Variants in MECOM observed in about 807,000 individuals in gnomAD.
The protein encoded by MECOM is MDS1 and EVI1 complex locus, also known as histone-lysine N-methyltransferase MECOM.
In MECOM, 13 loss-of-function variants were observed where a neutral mutation model predicts 116.3. The ratio of observed to expected loss-of-function variants is 0.11; its 90% CI spans 0.07 to 0.18. The LOEUF is 0.18. Ranked by LOEUF, MECOM falls within the 10% of genes least tolerant of loss-of-function variation. The pLI is 1.00. For missense variants in MECOM, 1,299 were observed against 1,509.0 expected (o/e 0.86, Z 2.31); for synonymous variants, 528 against 535.2 (o/e 0.99, Z 0.19).
intron 2 of MECOM, among the ~76,000 whole-genome samples, chr3:169,344,453 A>G (rs1294073751): frequency 6.6e-6 from 1 of 152,136 alleles, no homozygotes; most frequent in African/African-American, 2.4e-5. Context: ...AGAGATGTAA[A>G]TGGGGTAACC....
At chr3:169,401,543 C>T (rs936152576) in intron 1 of MECOM, among the ~76,000 whole-genome samples, 1 of 152,096 alleles carries the variant, frequency 6.6e-6, no homozygotes, top group African/African-American at 2.4e-5. Context: ...AAACATAGTA[C>T]CCACGATCAA....
chr3:169,206,488 A>T (rs955429322), intron 2 of MECOM, among the ~76,000 whole-genome samples: 1 of 152,074 alleles, frequency 6.6e-6, no homozygotes, highest in South Asian at 2.1e-4. Context: ...ATGGTGGCTC[A>T]TGCCTGTAAT....
At chr3:169,130,239 G>A (rs1345783351) in intron 4 of MECOM, among the ~76,000 whole-genome samples, 2 of 151,946 alleles carry the variant, frequency 1.3e-5, no homozygotes, top group Admixed American at 6.6e-5. Context: ...AACCTTTTTA[G>A]GTCTAACATT....
intron 2 of MECOM, among the ~76,000 whole-genome samples, chr3:169,214,486 G>A (rs546589392): frequency 2.0e-5 from 3 of 149,936 alleles, no homozygotes; most frequent in African/African-American, 4.9e-5. Flanking sequence ...AAACAAATTC[G>A]TAAATCATTT....
intron 1 of MECOM, among the ~76,000 whole-genome samples, chr3:169,562,432 A>G (rs957360791): frequency 6.6e-6 from 1 of 152,108 alleles, no homozygotes; most frequent in African/African-American, 2.4e-5. Context: ...TTCTGCCTTC[A>G]TATTTGGCTG....
In MECOM at chr3:169,507,395, C is replaced by T. The variant is rs1280152253; in HGVS notation, c.38-125871G>A. Among the ~76,000 whole-genome samples, 12 of 152,236 alleles carry T rather than the reference C, an allele frequency of 7.9e-5. No individual in the cohort carries two copies. In the South Asian group the frequency reaches 2.5e-3, roughly 32 times the overall value. ...GACGTCAGGCTGATGGAGGCTGGTA[C>T]CTCCTTCATGCCTTCATTCCTCCAT... is the stretch of plus-strand genomic sequence containing the variant. On this transcript the variant is annotated intron_variant, in intron 1 of 16. Transcript: ENST00000651503.
rs1560066438 is a variant in MECOM at position 169,266,845 on chromosome 3, T to C, written c.375+114342A>G. 4.6e-5 allele frequency among the ~76,000 whole-genome samples: 7 copies of C among 150,608 alleles called. No individual in the cohort carries two copies. In the South Asian group the frequency reaches 1.5e-3, roughly 32 times the overall value. ...TTTTTTTTTAAACCTTACTAATAGA[T>C]CCAATTTTATTCAGGTCATTATAGG... On this transcript the variant is annotated intron_variant, in intron 2 of 16. Transcript: ENST00000651503.
chr3:169,156,809 G>T (rs946488892), intron 2 of MECOM, among the ~76,000 whole-genome samples: 22 of 152,106 alleles, frequency 1.4e-4, no homozygotes, highest in African/African-American at 5.3e-4. Context: ...ATCTAGATAT[G>T]CATTTCCCTA....
At chr3:169,199,224 A>G (rs1453045785) in intron 2 of MECOM, among the ~76,000 whole-genome samples, 1 of 152,096 alleles carries the variant, frequency 6.6e-6, no homozygotes, top group Non-Finnish European at 1.5e-5. Flanking sequence ...CTGTTTATTT[A>G]GAACCTGCTT....
At chr3:169,154,519 G>T (rs2149333043) in intron 2 of MECOM, among the ~76,000 whole-genome samples, 1 of 152,186 alleles carries the variant, frequency 6.6e-6, no homozygotes, top group Admixed American at 6.5e-5. Flanking sequence ...TTATTGCAAT[G>T]ATCTCCTGCC....
At chr3:169,491,351 G>A (rs1003066469) in intron 1 of MECOM, among the ~76,000 whole-genome samples, 1 of 152,192 alleles carries the variant, frequency 6.6e-6, no homozygotes, top group African/African-American at 2.4e-5. Context: ...TCATGAGTAT[G>A]GACTACAGAT....
intron 2 of MECOM, among the ~76,000 whole-genome samples, chr3:169,210,576 A>C (rs1750583871): frequency 1.3e-5 from 2 of 152,168 alleles, no homozygotes; most frequent in Non-Finnish European, 2.9e-5. Context: ...AGGGCAAAAG[A>C]AGCTAATCAG....
chr3:169,593,091 A>G (rs893896387), intron 1 of MECOM, among the ~76,000 whole-genome samples: 1 of 152,176 alleles, frequency 6.6e-6, no homozygotes. Flanking sequence ...GGGTCTCGCT[A>G]TGTTGCCCAG....
intron 2 of MECOM, among the ~76,000 whole-genome samples, chr3:169,241,429 T>G (rs1168169905): frequency 6.6e-6 from 1 of 152,154 alleles, no homozygotes; most frequent in Non-Finnish European, 1.5e-5. Flanking sequence ...CAGTGTTAAA[T>G]TTCACCTTAA....
intron 2 of MECOM, among the ~76,000 whole-genome samples, chr3:169,305,243 A>C (rs1560109447): frequency 6.6e-6 from 1 of 152,232 alleles, no homozygotes; most frequent in Non-Finnish European, 1.5e-5. Flanking sequence ...CAGTGAAGTT[A>C]ATTAATTCCA....
intron 2 of MECOM, among the ~76,000 whole-genome samples, chr3:169,224,343 C>G (rs971284028): frequency 1.3e-5 from 2 of 152,140 alleles, no homozygotes; most frequent in Non-Finnish European, 2.9e-5. Flanking sequence ...AAATTCAAAG[C>G]AATGGCAAGA....
chr3:169,177,774 T>C (rs1424713557), intron 2 of MECOM, among the ~76,000 whole-genome samples: 1 of 151,538 alleles, frequency 6.6e-6, no homozygotes, highest in East Asian at 1.9e-4. Flanking sequence ...AAAAAATAGC[T>C]GGGCATGTTG....
At chr3:169,631,618 C>G (rs1333701354) in intron 1 of MECOM, among the ~76,000 whole-genome samples, 2 of 121,028 alleles carry the variant, frequency 1.7e-5, no homozygotes, top group Admixed American at 9.5e-5. Context: ...CCCCTCCCCC[C>G]ACCCCACAAC....
chr3:169,150,897 C>A (rs935005071), intron 2 of MECOM, among the ~76,000 whole-genome samples: 1 of 152,134 alleles, frequency 6.6e-6, no homozygotes, highest in African/African-American at 2.4e-5. Context: ...AGGGCATAAA[C>A]CCTCCTCAGG....
Sources: gnomAD v4.1 joint callset for allele counts (sites outside exome capture counted in the v4.1 genomes callset) on GRCh38, gnomAD v4.1.1 for gene constraint, MANE v1.5 for transcripts, NCBI Gene and HGNC (gene_info 2026-07-23, HGNC 2026-07-21) for gene names.